DOCK3: variants seen among roughly 807,000 people sequenced by gnomAD.
DOCK3 encodes dedicator of cytokinesis protein 3.
Under a neutral mutation model 265.6 loss-of-function variants are expected in DOCK3, and 60 were observed. The ratio of observed to expected loss-of-function variants is 0.23; its 90% confidence interval spans 0.18 to 0.28. The LOEUF is 0.28. Among genes scored for constraint, DOCK3 ranks in the 10% least tolerant of loss-of-function variants. The pLI is 1.00. For synonymous variants in DOCK3, 881 were observed against 938.0 expected, an observed-to-expected ratio of 0.94 and a Z score of 1.11; for missense variants, 1,981 against 2,594.3, an observed-to-expected ratio of 0.76 and a Z score of 5.14.
At chr3:50,849,389 T>TAC (rs889009272) in intron 3 of DOCK3, among the ~76,000 whole-genome samples, 162 of 150,832 alleles carry the variant, frequency 1.1e-3, no homozygotes, top group African/African-American at 3.2e-3. Flanking sequence ...TACACATATA[T>TAC]ACACACACAC....
chr3:50,773,359 G>T lies in DOCK3; in HGVS notation c.38-5316G>T, dbSNP rs185915207. Among the ~76,000 whole-genome samples, 12 of 151,912 alleles carry T rather than the reference G, an allele frequency of 7.9e-5. No individual in the cohort carries two copies. In the East Asian group the frequency reaches 1.7e-3, roughly 22 times the overall value. ...TAGAGGAAAATGGGAAGCACTTCATGACATTGATCTATATTAATTTAAAAA... is the reference window on the plus strand; with the variant it reads ...TAGAGGAAAATGGGAAGCACTTCATTACATTGATCTATATTAATTTAAAAA... On this transcript the variant is annotated intron_variant, in intron 1 of 52. Coordinates refer to ENST00000266037, the MANE Select transcript of DOCK3 (RefSeq NM_004947.5).
intron 5 of DOCK3, among the ~76,000 whole-genome samples, chr3:51,009,164 A>G (rs1026172729): frequency 7.9e-5 from 12 of 151,962 alleles, no homozygotes; most frequent in Admixed American, 6.6e-4. Flanking sequence ...CTCTTTTTCT[A>G]TTGATTGGAA....
At chr3:51,176,601 GGGCAA>G (rs945023554) in intron 12 of DOCK3, among the ~76,000 whole-genome samples, 1 of 152,172 alleles carries the variant, frequency 6.6e-6, no homozygotes, top group African/African-American at 2.4e-5. Flanking sequence ...ACTCCAGCCT[GGGCAA>G]CAGAGCGAGA....
chr3:51,259,578 G>A (rs137930131), intron 22 of DOCK3, among the ~76,000 whole-genome samples: 54 of 152,342 alleles, frequency 3.5e-4, no homozygotes, highest in African/African-American at 1.3e-3. Flanking sequence ...TTGGTGGGAA[G>A]AGGGTGGATA....
intron 22 of DOCK3, among the ~76,000 whole-genome samples, chr3:51,248,240 A>T (rs2078931179): frequency 1.3e-5 from 2 of 152,246 alleles, no homozygotes; most frequent in Non-Finnish European, 2.9e-5. Context: ...TTACAAAGTC[A>T]GTTTAAAAAA....
At chr3:50,900,658 C>G (rs1409613052) in intron 4 of DOCK3, 1 of 447,590 alleles carries the variant, frequency 2.2e-6, no homozygotes, top group East Asian at 7.5e-5. Context: ...GATGGGGTTT[C>G]TGTATGGACC....
At chr3:51,228,195 G>A (rs752653932) in intron 17 of DOCK3, 107 bp downstream of exon 17, 9 of 1,092,454 alleles carry the variant, frequency 8.2e-6, no homozygotes, top group East Asian at 5.0e-5. Flanking sequence ...AGAAGACCAA[G>A]GGAAGTGCAC....
chr3:50,696,716 G>C (rs922776926), intron 1 of DOCK3, among the ~76,000 whole-genome samples: 7 of 152,104 alleles, frequency 4.6e-5, no homozygotes, highest in African/African-American at 9.7e-5. Flanking sequence ...CCATTTTGAA[G>C]ATCTGTTAAG....
intron 52 of DOCK3, among the ~76,000 whole-genome samples, chr3:51,380,823 G>T (rs2110635235): frequency 6.6e-6 from 1 of 152,314 alleles, no homozygotes; most frequent in South Asian, 2.1e-4. Flanking sequence ...CCAATGCCCA[G>T]CAGCCAGGGC....
chr3:51,356,380 C>T, intron 42 of DOCK3, 27 bp from the exon 43 acceptor site: 2 of 1,613,362 alleles, frequency 1.2e-6, no homozygotes, highest in East Asian at 2.2e-5. Context: ...GCCTAACTGC[C>T]CATACCTGCC....
At chr3:51,229,347 A>T (rs918859487) in intron 18 of DOCK3, among the ~76,000 whole-genome samples, 165 bp from the exon 19 acceptor site, 9 of 152,106 alleles carry the variant, frequency 5.9e-5, no homozygotes, top group Non-Finnish European at 1.0e-4. Flanking sequence ...GCTACTCAGG[A>T]GGCTGAGGCA....
At chr3:51,106,120 A>G (rs1009979314) in intron 9 of DOCK3, among the ~76,000 whole-genome samples, 1 of 152,190 alleles carries the variant, frequency 6.6e-6, no homozygotes, top group Non-Finnish European at 1.5e-5. Flanking sequence ...CACTTGCTCC[A>G]ATAGGAGACT....
intron 5 of DOCK3, among the ~76,000 whole-genome samples, chr3:51,040,866 A>C (rs188079908): frequency 9.6e-4 from 146 of 152,138 alleles, no homozygotes; most frequent in African/African-American, 3.3e-3. Flanking sequence ...TTATCATGAG[A>C]TTGTAGCAGT....
At chr3:51,216,656 G>A (rs771314972) in intron 14 of DOCK3, among the ~76,000 whole-genome samples, 11 of 152,286 alleles carry the variant, frequency 7.2e-5, no homozygotes, top group Middle Eastern at 3.4e-3. Flanking sequence ...TTAGCAACTT[G>A]CATTTCCCCC....
chr3:51,260,211 C>A lies in DOCK3; in HGVS notation c.2240C>A (p.Ala747Asp). The part of the protein sequence containing the change: ...IVQSRILYSR[A>D]TCGMEEEQFR... ...CAGTCACGGATCCTGTACTCACGAG[C>A]CACTTGTGGAATGGAAGAGGAACAA... The change falls in exon 23 of 53, where the codon GCC becomes GAC. Residue 747 changes from alanine (A) to aspartate (D), a missense_variant. Ala to Asp is a moderately radical substitution (Grantham distance 126). Transcript: ENST00000266037. 1 of 1,613,874 alleles carries A rather than the reference C, an allele frequency of 6.2e-7. No homozygotes were observed. Among genetic ancestry groups the A allele is most frequent in the South Asian group, 1.1e-5 (1 of 91,044 alleles).
intron 51 of DOCK3, 26 bp downstream of exon 51, chr3:51,375,861 C>T: frequency 6.2e-7 from 1 of 1,612,900 alleles, no homozygotes; most frequent in Non-Finnish European, 8.5e-7. Flanking sequence ...TGGCCTTCCC[C>T]CCATGTCTGT....
At chr3:51,080,148 C>T (rs1186962005) in intron 7 of DOCK3, among the ~76,000 whole-genome samples, 2 of 152,166 alleles carry the variant, frequency 1.3e-5, no homozygotes, top group Non-Finnish European at 2.9e-5. Context: ...CAATCCCCAA[C>T]CTATATAGCA....
intron 12 of DOCK3, among the ~76,000 whole-genome samples, chr3:51,181,967 T>C (rs904331712): frequency 6.6e-6 from 1 of 152,218 alleles, no homozygotes; most frequent in Non-Finnish European, 1.5e-5. Context: ...GGACTTCTTA[T>C]GCATTTTATA....
Position 51,271,020 on chromosome 3 carries a change from G to A in DOCK3, c.2548+13G>A. On this transcript the variant is annotated intron_variant, in intron 24 of 52. Transcript: ENST00000266037. The stretch of plus-strand genomic sequence containing the variant: ...TTTTCTTTCTCAGGTAAATCAAGTT[G>A]GGATGAGAGTCCTCCTTCCTTCCAG... 1 of 1,606,900 alleles carries A rather than the reference G, an allele frequency of 6.2e-7. No homozygotes were observed. The highest frequency in any genetic ancestry group is 8.5e-7 in the Non-Finnish European group (1 of 1,176,362).
Sources: gnomAD v4.1 joint callset for allele counts (sites outside exome capture counted in the v4.1 genomes callset) on GRCh38, gnomAD v4.1.1 for gene constraint, MANE v1.5 for transcripts, NCBI Gene and HGNC (gene_info 2026-07-23, HGNC 2026-07-21) for gene names.